Variants in SUPT3H observed in about 807,000 individuals in gnomAD.
The protein encoded by SUPT3H is transcription initiation protein SPT3 homolog.
Under a neutral mutation model 44.3 loss-of-function variants are expected in SUPT3H, and 44 were observed. The observed-to-expected ratio is 0.99, with a 90% CI of 0.78 to 1.28. The LOEUF (loss-of-function observed/expected upper bound fraction) is 1.28. Ranked by LOEUF, SUPT3H falls within the 50% of genes most tolerant of loss-of-function variation. The pLI, the probability that SUPT3H is intolerant of heterozygous loss-of-function variation, is 0.00. For missense variants in SUPT3H, 380 were observed against 387.1 expected (o/e 0.98, Z 0.15); for synonymous variants, 124 against 125.6 (o/e 0.99, Z 0.09).
At chr6:44,921,636 C>T (rs1041702129) in intron 10 of SUPT3H, among the ~76,000 whole-genome samples, 1 of 152,160 alleles carries the variant, frequency 6.6e-6, no homozygotes, top group African/African-American at 2.4e-5. Flanking sequence ...TATTTGTCAA[C>T]TATAACTCAT....
chr6:45,111,240 C>A (rs2153574243), intron 2 of SUPT3H, among the ~76,000 whole-genome samples: 1 of 152,172 alleles, frequency 6.6e-6, no homozygotes, highest in African/African-American at 2.4e-5. Flanking sequence ...ACCATGTTGG[C>A]CAGGCTGGTC....
chr6:45,173,675 C>G (rs1183396785), intron 2 of SUPT3H, among the ~76,000 whole-genome samples: 1 of 152,198 alleles, frequency 6.6e-6, no homozygotes, highest in African/African-American at 2.4e-5. Context: ...TCAACTGAGA[C>G]TTGGAATCTT....
At position 45,172,807 on chromosome 6, in the gene SUPT3H, G is replaced by A. The variant is rs184762485; in HGVS notation, c.102-66801C>T. ...CGGTTTCACCATGTTGGCTAGGCTG[G>A]TCTCGAACTCCTGACCTCGTGATCC... On this transcript the variant is annotated intron_variant, in intron 2 of 10. Transcript: ENST00000371459. Among the ~76,000 whole-genome samples the A allele has an allele frequency of 2.5e-3, 375 of 152,026 alleles. 3 individuals are homozygous for A. The highest frequency in any genetic ancestry group is 8.6e-3 in the African/African-American group (355 of 41,466).
chr6:45,113,432 T>C (rs1800364687), intron 2 of SUPT3H, among the ~76,000 whole-genome samples: 1 of 152,218 alleles, frequency 6.6e-6, no homozygotes, highest in South Asian at 2.1e-4. Context: ...GCTCTTCAAA[T>C]TTTAACAGCT....
At chr6:45,331,450 C>T (rs1787493061) in intron 2 of SUPT3H, among the ~76,000 whole-genome samples, 1 of 151,890 alleles carries the variant, frequency 6.6e-6, no homozygotes, top group African/African-American at 2.4e-5. Context: ...TCAGTAGTGA[C>T]AAAGTTTTAT....
chr6:45,221,802 A>G (rs1235426574), intron 2 of SUPT3H, among the ~76,000 whole-genome samples: 2 of 152,186 alleles, frequency 1.3e-5, no homozygotes, highest in African/African-American at 4.8e-5. Context: ...TTTGTAGAAC[A>G]GCTACTTCTA....
intron 10 of SUPT3H, among the ~76,000 whole-genome samples, chr6:44,907,255 T>C (rs914628375): frequency 6.6e-6 from 1 of 152,226 alleles, no homozygotes; most frequent in Admixed American, 6.5e-5. Context: ...TACGGGGGAA[T>C]AATGTTTATT....
intron 6 of SUPT3H, among the ~76,000 whole-genome samples, chr6:44,993,021 G>C: frequency 6.6e-6 from 1 of 151,990 alleles, no homozygotes; most frequent in Non-Finnish European, 1.5e-5. Flanking sequence ...AAATTTGGTG[G>C]GTGTGGTGGC....
intron 3 of SUPT3H, among the ~76,000 whole-genome samples, chr6:45,048,293 T>C (rs183885675): frequency 2.2e-3 from 330 of 150,058 alleles, no homozygotes; most frequent in African/African-American, 7.5e-3. Flanking sequence ...CTATTTTCAC[T>C]TCTGTTGCCT....
intron 6 of SUPT3H, among the ~76,000 whole-genome samples, chr6:44,970,482 A>C (rs536235200): frequency 6.5e-4 from 99 of 152,312 alleles, no homozygotes; most frequent in African/African-American, 2.0e-3. Context: ...AATAACATAA[A>C]AAGCCATGTG....
At chr6:44,957,194 A>AG (rs1160323347) in intron 7 of SUPT3H, among the ~76,000 whole-genome samples, 3 of 152,174 alleles carry the variant, frequency 2.0e-5, no homozygotes, top group Non-Finnish European at 1.5e-5. Context: ...AGTAACTCAA[A>AG]GCATGATATT....
At chr6:44,853,558 T>C (rs1773244954) in intron 10 of SUPT3H, among the ~76,000 whole-genome samples, 1 of 152,144 alleles carries the variant, frequency 6.6e-6, no homozygotes, top group Non-Finnish European at 1.5e-5. Context: ...ATGCTTCCTT[T>C]TACTCTTTCC....
At chr6:45,036,155 G>A (rs1205828345) in intron 3 of SUPT3H, among the ~76,000 whole-genome samples, 2 of 152,106 alleles carry the variant, frequency 1.3e-5, no homozygotes, top group Admixed American at 6.6e-5. Flanking sequence ...GTGGTCAGGA[G>A]GACAAATAAT....
intron 8 of SUPT3H, 103 bp from the exon 9 acceptor site, chr6:44,953,520 C>A: frequency 1.1e-6 from 1 of 870,976 alleles, no homozygotes; most frequent in Non-Finnish European, 1.8e-6. Context: ...ACTGATAATC[C>A]TGCTTGCCTA....
At chr6:45,025,796 T>C (rs754765124) in intron 3 of SUPT3H, among the ~76,000 whole-genome samples, 6 of 148,852 alleles carry the variant, frequency 4.0e-5, no homozygotes, top group Admixed American at 6.8e-5. Context: ...GGCAGGAGAA[T>C]GGCGTGAACC....
intron 2 of SUPT3H, among the ~76,000 whole-genome samples, chr6:45,177,878 T>C (rs1222397169): frequency 1.3e-5 from 2 of 151,964 alleles, no homozygotes; most frequent in East Asian, 1.9e-4. Flanking sequence ...CTGAGAGATT[T>C]TGTCACCACC....
chr6:44,966,767 A>G (rs1414832638), intron 6 of SUPT3H, among the ~76,000 whole-genome samples: 1 of 152,232 alleles, frequency 6.6e-6, no homozygotes, highest in Non-Finnish European at 1.5e-5. Context: ...TCATTAAACT[A>G]TAACAAAAAA....
chr6:45,144,671 G>A (rs750346906), intron 2 of SUPT3H, among the ~76,000 whole-genome samples: 2 of 151,912 alleles, frequency 1.3e-5, no homozygotes, highest in Non-Finnish European at 2.9e-5. Flanking sequence ...AGACAAAAAC[G>A]AAAGAAATAA....
chr6:45,205,623 C>T (rs1280341233), intron 2 of SUPT3H, among the ~76,000 whole-genome samples: 1 of 151,894 alleles, frequency 6.6e-6, no homozygotes, highest in African/African-American at 2.4e-5. Context: ...ATGGTGAAAC[C>T]CCATCTCTAC....
Sources: allele counts gnomAD v4.1 joint callset (sites outside exome capture counted in the v4.1 genomes callset), GRCh38; gene constraint gnomAD v4.1.1; transcripts MANE v1.5; gene names NCBI Gene and HGNC (gene_info 2026-07-23, HGNC 2026-07-21).